The following PDE4B variants were observed in gnomAD, a reference collection of about 807,000 sequenced individuals.
PDE4B encodes the protein 3',5'-cyclic-AMP phosphodiesterase 4B.
Under a neutral mutation model 82.2 loss-of-function variants are expected in PDE4B, and 20 were observed. The observed-to-expected ratio is 0.24, with a 90% CI of 0.17 to 0.35. The LOEUF (loss-of-function observed/expected upper bound fraction) is 0.35. PDE4B is among the 10% of genes least tolerant of loss of function. PDE4B has a pLI of 1.00. For synonymous variants in PDE4B, 320 were observed against 318.9 expected (o/e 1.00, Z -0.04); for missense variants, 655 against 907.2 (o/e 0.72, Z 3.57).
chr1:65,826,590 C>T (rs1646020108), intron 1 of PDE4B, among the ~76,000 whole-genome samples: 1 of 152,124 alleles, frequency 6.6e-6, no homozygotes, highest in Non-Finnish European at 1.5e-5. Flanking sequence ...TTGCCCACAC[C>T]TACCTCCCTA....
intron 3 of PDE4B, among the ~76,000 whole-genome samples, chr1:65,988,317 G>GT (rs1302334643): frequency 6.6e-6 from 1 of 152,064 alleles, no homozygotes; most frequent in Non-Finnish European, 1.5e-5. Context: ...CTCTAGCTTC[G>GT]TTTTTTAAAA....
chr1:66,366,117 A>T (rs1396831459), intron 13 of PDE4B, among the ~76,000 whole-genome samples: 1 of 152,196 alleles, frequency 6.6e-6, no homozygotes, highest in East Asian at 1.9e-4. Flanking sequence ...AAACTCTCGC[A>T]CAGAGCATAG....
intron 3 of PDE4B, among the ~76,000 whole-genome samples, chr1:66,011,587 T>C (rs1389729171): frequency 1.3e-5 from 2 of 152,104 alleles, no homozygotes; most frequent in Admixed American, 6.6e-5. Flanking sequence ...TATATTAGAC[T>C]CATCTCTTTG....
chr1:66,127,734 T>A (rs932189323), intron 3 of PDE4B, among the ~76,000 whole-genome samples: 1 of 152,110 alleles, frequency 6.6e-6, no homozygotes, highest in African/African-American at 2.4e-5. Flanking sequence ...AAGAAAACAA[T>A]TTTCTTTTAA....
At chr1:65,974,211 T>A (rs902535708) in intron 3 of PDE4B, among the ~76,000 whole-genome samples, 2 of 152,188 alleles carry the variant, frequency 1.3e-5, no homozygotes, top group Admixed American at 1.3e-4. Context: ...GTGGCGATAA[T>A]AAAGTACTTT....
chr1:66,307,061 C>G (rs1260146713), intron 7 of PDE4B, among the ~76,000 whole-genome samples: 1 of 152,004 alleles, frequency 6.6e-6, no homozygotes, highest in African/African-American at 2.4e-5. Flanking sequence ...AAGAAGAAGT[C>G]TCCACTGAAT....
intron 1 of PDE4B, among the ~76,000 whole-genome samples, chr1:65,852,819 CT>C (rs1646346681): frequency 6.6e-6 from 1 of 151,886 alleles, no homozygotes; most frequent in Non-Finnish European, 1.5e-5. Context: ...TATTATATCT[CT>C]TGGTACACTT....
intron 1 of PDE4B, among the ~76,000 whole-genome samples, chr1:65,864,852 A>C (rs1045420389): frequency 2.6e-5 from 4 of 151,944 alleles, no homozygotes; most frequent in Non-Finnish European, 4.4e-5. Context: ...TCAGGGATCC[A>C]CTCTAGGAGG....
chr1:66,191,255 G>T (rs1362650462), intron 3 of PDE4B, among the ~76,000 whole-genome samples: 2 of 152,098 alleles, frequency 1.3e-5, no homozygotes, highest in African/African-American at 2.4e-5. Context: ...GGTCAATTCA[G>T]CAAAGAATGT....
intron 3 of PDE4B, chr1:65,992,528 T>A (rs978321648): frequency 4.5e-4 from 75 of 167,138 alleles, no homozygotes; most frequent in East Asian, 9.2e-4. Context: ...AGATTTTTTT[T>A]AAAAAAATGC....
Position 66,368,767 on chromosome 1 carries a change from C to T in PDE4B, c.1663-20C>T. On this transcript the variant is annotated intron_variant, in intron 15 of 16. Coordinates refer to ENST00000341517, the MANE Select transcript of PDE4B (RefSeq NM_002600.4). ...ATTTACACCTAATTTTATGAGATTT[C>T]CAAAACTTGATGATTTCAGGTCCTT... is the stretch of plus-strand genomic sequence containing the variant. The T allele has an allele frequency of 6.7e-7, 1 of 1,491,150 alleles. No homozygotes were observed. Among genetic ancestry groups the T allele is most frequent in the African/African-American group, 1.4e-5 (1 of 71,144 alleles). 92.4% of individuals were successfully genotyped at this position (1,491,150 alleles called of 1,614,324 possible).
intron 7 of PDE4B, among the ~76,000 whole-genome samples, chr1:66,269,995 T>G (rs1215107348): frequency 6.6e-6 from 1 of 152,154 alleles, no homozygotes; most frequent in Non-Finnish European, 1.5e-5. Flanking sequence ...AGCAGGAACA[T>G]TACCACTGGT....
At chr1:65,839,918 T>A (rs959466197) in intron 1 of PDE4B, among the ~76,000 whole-genome samples, 6 of 152,154 alleles carry the variant, frequency 3.9e-5, no homozygotes, top group Non-Finnish European at 8.8e-5. Context: ...TTTCTCCACA[T>A]CCTCTCCAGC....
intron 3 of PDE4B, among the ~76,000 whole-genome samples, chr1:66,180,366 C>G (rs1485358193): frequency 2.0e-5 from 3 of 152,144 alleles, no homozygotes; most frequent in Non-Finnish European, 2.9e-5. Context: ...AGCTACGTAT[C>G]ATATAGGGTT....
At chr1:66,282,074 A>G (rs531029735) in intron 7 of PDE4B, among the ~76,000 whole-genome samples, 61 of 152,314 alleles carry the variant, frequency 4.0e-4, no homozygotes, top group African/African-American at 1.4e-3. Context: ...GAAGGTACGT[A>G]CACCCTTGAG....
intron 3 of PDE4B, among the ~76,000 whole-genome samples, chr1:65,959,982 A>G (rs1453518744): frequency 6.6e-6 from 1 of 152,062 alleles, no homozygotes; most frequent in African/African-American, 2.4e-5. Flanking sequence ...AACTGCAGGG[A>G]TTACGGGCAT....
At position 66,191,037 on chromosome 1, in the gene PDE4B, A is replaced by G. The variant is rs375633664; in HGVS notation, c.282-56423A>G. Among the ~76,000 whole-genome samples the G allele has an allele frequency of 7.2e-5, 11 of 152,284 alleles. No individual in the cohort carries two copies. The East Asian group carries it at 1.9e-3, about 27-fold the overall frequency. ...TTCTCATTTTAATTATTTGAAAGCA[A>G]AGAGTTGAAATATATTTATATTCAT... On this transcript the variant is annotated intron_variant, in intron 3 of 16. Coordinates refer to ENST00000341517, the MANE Select transcript of PDE4B (RefSeq NM_002600.4).
At chr1:66,298,289 A>G (rs1013921258) in intron 7 of PDE4B, among the ~76,000 whole-genome samples, 7 of 152,110 alleles carry the variant, frequency 4.6e-5, no homozygotes, top group Non-Finnish European at 8.8e-5. Context: ...AAGAGAAAAC[A>G]TTTTGGTAAG....
At chr1:66,233,673 A>G (rs957512816) in intron 3 of PDE4B, among the ~76,000 whole-genome samples, 1 of 148,370 alleles carries the variant, frequency 6.7e-6, no homozygotes, top group African/African-American at 2.6e-5. Context: ...GATGCCGTTT[A>G]CCTGGTTGAT....
Sources: allele counts gnomAD v4.1 joint callset (sites outside exome capture counted in the v4.1 genomes callset), GRCh38; gene constraint gnomAD v4.1.1; transcripts MANE v1.5; gene names NCBI Gene and HGNC (gene_info 2026-07-23, HGNC 2026-07-21).